The following TXNDC12 variants were observed in gnomAD, a reference collection of about 807,000 sequenced individuals.
TXNDC12 encodes thioredoxin domain-containing protein 12.
In TXNDC12, 22 loss-of-function variants were observed where a neutral mutation model predicts 24.2. The observed-to-expected ratio is 0.91, with a 90% CI of 0.65 to 1.30. TXNDC12 has a LOEUF of 1.30. Among genes scored for constraint, TXNDC12 ranks in the 50% most tolerant of loss-of-function variants. The pLI is 0.00. For missense variants in TXNDC12, 184 were observed against 205.8 expected (o/e 0.89, Z 0.65); for synonymous variants, 58 against 73.4 (o/e 0.79, Z 1.07).
intron 1 of TXNDC12, among the ~76,000 whole-genome samples, chr1:52,049,177 C>T (rs958220601): frequency 2.6e-5 from 4 of 152,176 alleles, no homozygotes; most frequent in African/African-American, 9.6e-5. Context: ...AGAAGTTATC[C>T]AACACTCCAA....
chr1:52,033,836 A>G, intron 2 of TXNDC12: 1 of 1,466,900 alleles, frequency 6.8e-7, no homozygotes, highest in Non-Finnish European at 9.0e-7. Flanking sequence ...GTAAGCCGGA[A>G]GTGCAAACTG....
Position 52,033,620 on chromosome 1 carries a change from C to T in TXNDC12, c.159-4990G>A, listed in dbSNP as rs1485636286. 1.2e-6 allele frequency: 2 copies of T among 1,612,404 alleles called. No homozygotes were observed. The highest frequency in any genetic ancestry group is 1.7e-6 in the Non-Finnish European group (2 of 1,179,916). Reference sequence around the variant, plus strand: ...TTCTCACGGGCAGAATCGCCGTACACCGCTGGGTCCTCTGCGCCCAGGACA... The same window carrying T: ...TTCTCACGGGCAGAATCGCCGTACATCGCTGGGTCCTCTGCGCCCAGGACA... On this transcript the variant is annotated intron_variant, in intron 2 of 6. Transcript: ENST00000371626.
chr1:52,047,958 A>T (rs1361561950), intron 1 of TXNDC12, among the ~76,000 whole-genome samples: 1 of 152,146 alleles, frequency 6.6e-6, no homozygotes, highest in Non-Finnish European at 1.5e-5. Context: ...CTAATAAAGG[A>T]GATAAAATAA....
At position 52,055,025 on chromosome 1, in the gene TXNDC12, A is replaced by C. The variant is rs1316959584; in HGVS notation, c.72T>G (p.Ser24=). ...CCTTTCCAAGCCCATTATGTCCATC[A>C]GAAGAGATGACGAGGAGCAGGAAAC... ...GFSFLLLVIS[S]DGHNGLGKGF... is the part of the protein sequence containing the mutation. The change falls in exon 1 of 7, where the codon TCT becomes TCG. Residue 24 remains serine, a synonymous_variant. Coordinates refer to ENST00000371626, the MANE Select transcript of TXNDC12 (RefSeq NM_015913.4). 1 of 1,614,052 alleles carries C rather than the reference A, an allele frequency of 6.2e-7. No individual in the cohort carries two copies. The highest frequency in any genetic ancestry group is 2.2e-5 in the East Asian group (1 of 44,864).
In TXNDC12 at chr1:52,020,969, A is replaced by G. The variant is rs759059222; in HGVS notation, c.483T>C (p.Asp161=). Residue 161 remains aspartate (D), a synonymous_variant, in exon 7 of 7, where the codon GAT becomes GAC. Coordinates refer to ENST00000371626, the MANE Select transcript of TXNDC12 (RefSeq NM_015913.4). ...CTTCAAGATGTTTCTTTCTGAAGGC[A>G]TCACCCGTCAGCCTTTCCTGAGCTT... ...MKEAQERLTG[D]AFRKKHLEDE... is the part of the protein sequence containing the mutation. The G allele has an allele frequency of 6.2e-6, 10 of 1,614,056 alleles. No homozygotes were observed. In the African/African-American group the frequency reaches 1.1e-4, roughly 17 times the overall value.
At chr1:52,032,497 CTCCAT>C in intron 2 of TXNDC12, 1 of 1,347,992 alleles carries the variant, frequency 7.4e-7, no homozygotes, top group Non-Finnish European at 9.5e-7. Flanking sequence ...CACAATAGTT[CTCCAT>C]TCTCTTTAGT....
intron 2 of TXNDC12, 34 bp downstream of exon 2, chr1:52,041,503 A>G: frequency 6.6e-7 from 1 of 1,518,592 alleles, no homozygotes; most frequent in Non-Finnish European, 9.1e-7. Flanking sequence ...AAAGTGTTTT[A>G]CCACCATAAA....
intron 1 of TXNDC12, among the ~76,000 whole-genome samples, chr1:52,051,402 G>A (rs1243168074): frequency 6.6e-6 from 1 of 152,084 alleles, no homozygotes; most frequent in Non-Finnish European, 1.5e-5. Flanking sequence ...TTGAGACAGA[G>A]TATCACTCTG....
chr1:52,049,632 A>G (rs547852012), intron 1 of TXNDC12, among the ~76,000 whole-genome samples: 1 of 152,330 alleles, frequency 6.6e-6, no homozygotes, highest in Admixed American at 6.5e-5. Flanking sequence ...TTCCTTGAGA[A>G]TTCATATTAA....
chr1:52,051,746 T>A lies in TXNDC12; in HGVS notation c.97+3254A>T, dbSNP rs528147965. ...TGCTGCTTCTTCTTAATGAAAACAG[T>A]AGAGATCATTCAGTCTCTCCTCTCT... is the stretch of plus-strand genomic sequence containing the variant. On this transcript the variant is annotated intron_variant, in intron 1 of 6. Coordinates refer to ENST00000371626, the MANE Select transcript of TXNDC12 (RefSeq NM_015913.4). 5.1e-4 allele frequency: 87 copies of A among 169,414 alleles called. 1 individual carries two copies. Among genetic ancestry groups the A allele is most frequent in the African/African-American group, 2.0e-3 (85 of 41,660 alleles). 10.5% of individuals were successfully genotyped at this position (169,414 alleles called of 1,614,324 possible). A position where few individuals can be genotyped will look rare whatever the true frequency, so the allele number is the denominator to read the frequency against.
rs923428482 is a variant in TXNDC12 at position 52,020,243 on chromosome 1, T to G, written c.*690A>C. ...TTGACAAAATGGCTACACCTAGGGC[T>G]TGAAGGTTTGAGTTTCTCCAACAGT... On this transcript the variant is annotated 3_prime_UTR_variant, in exon 7 of 7. Coordinates refer to ENST00000371626, the MANE Select transcript of TXNDC12 (RefSeq NM_015913.4). 3.3e-6 allele frequency: 1 copy of G among 298,686 alleles called. No homozygotes were observed. The highest frequency in any genetic ancestry group is 2.2e-5 in the African/African-American group (1 of 46,386). The allele number at this position is 298,686 out of a possible 1,614,324, so 18.5% of individuals were successfully genotyped here. A position where few individuals can be genotyped will look rare whatever the true frequency, so the allele number is the denominator to read the frequency against.
At position 52,023,497 on chromosome 1, in the gene TXNDC12, C is replaced by G. The variant is rs763663263; in HGVS notation, c.433G>C (p.Glu145Gln). ...PSYKYFYVSA[E>Q]QVVQGMKEAQ... The stretch of plus-strand genomic sequence containing the variant: ...CCCTTCAGCATAACTATACCTTGCT[C>G]GGCACTGACATAAAAATACTTGTAG... Residue 145 changes from glutamate (E) to glutamine (Q), a missense_variant, in exon 6 of 7, where the codon GAG becomes CAG. Coordinates refer to ENST00000371626, the MANE Select transcript of TXNDC12 (RefSeq NM_015913.4). 2 of 1,613,426 alleles carry G rather than the reference C, an allele frequency of 1.2e-6. No individual in the cohort carries two copies. The highest frequency in any genetic ancestry group is 1.7e-6 in the Non-Finnish European group (2 of 1,179,388).
In TXNDC12 at chr1:52,032,733, GT is replaced by G. The variant is rs756290711; in HGVS notation, c.159-4104del. On this transcript the variant is annotated intron_variant, in intron 2 of 6. Transcript: ENST00000371626. ...TCTGGCTCAAATACTGAAGAAACAT[GT>G]TGGCCAGTTGCGGCAAGTTCTCATT... is the stretch of plus-strand genomic sequence containing the variant. 3.7e-6 allele frequency: 6 copies of G among 1,613,150 alleles called. No individual in the cohort carries two copies. In the Admixed American group the frequency reaches 8.3e-5, roughly 22 times the overall value.
chr1:52,020,930 A>G lies in TXNDC12; in HGVS notation c.*3T>C. 6.2e-7 allele frequency: 1 copy of G among 1,612,288 alleles called. No individual in the cohort carries two copies. On this transcript the variant is annotated 3_prime_UTR_variant, in exon 7 of 7. Transcript: ENST00000371626. ...CTCTGATGAAAGAAGGGGCACATTC[A>G]TGTTACAATTCATCTTCAAGATGTT...
intron 3 of TXNDC12, 137 bp downstream of exon 3, chr1:52,028,441 A>G: frequency 3.0e-6 from 2 of 672,506 alleles, no homozygotes; most frequent in Non-Finnish European, 5.0e-6. Context: ...TGAAGGCAGG[A>G]AATCTATGTC....
At chr1:52,022,670 G>A (rs1239904179) in intron 6 of TXNDC12, among the ~76,000 whole-genome samples, 2 of 126,150 alleles carry the variant, frequency 1.6e-5, no homozygotes, top group African/African-American at 3.1e-5. Flanking sequence ...ACAGAGTCTC[G>A]CTCTGTCACC....
At chr1:52,033,998 G>A in intron 2 of TXNDC12, 3 of 1,398,650 alleles carry the variant, frequency 2.1e-6, no homozygotes, top group Non-Finnish European at 1.8e-6. Context: ...TAGGCCTCAG[G>A]AGAATGTGAT....
chr1:52,044,924 G>A (rs147324325), intron 1 of TXNDC12, among the ~76,000 whole-genome samples: 52 of 151,372 alleles, frequency 3.4e-4, no homozygotes, highest in African/African-American at 1.2e-3. Flanking sequence ...ACAGTGAGTT[G>A]AGATCACGCC....
chr1:52,027,926 G>T (rs1299555307), intron 3 of TXNDC12, among the ~76,000 whole-genome samples: 3 of 151,658 alleles, frequency 2.0e-5, no homozygotes. Flanking sequence ...TCCGCCTCTC[G>T]GGCTCAAGCG....
Sources: allele counts gnomAD v4.1 joint callset (sites outside exome capture counted in the v4.1 genomes callset), GRCh38; gene constraint gnomAD v4.1.1; transcripts MANE v1.5; gene names NCBI Gene and HGNC (gene_info 2026-07-23, HGNC 2026-07-21).